Variants in METTL6 observed in about 807,000 individuals in gnomAD.
The protein encoded by METTL6 is methyltransferase 6, tRNA N3-cytidine.
METTL6 carries 22 observed loss-of-function variants against 26.4 expected under a neutral mutation model. The observed-to-expected ratio is 0.83, with a 90% CI of 0.59 to 1.19. The LOEUF (loss-of-function observed/expected upper bound fraction) is 1.19, where lower values mean the gene tolerates loss of function less well. Among genes scored for constraint, METTL6 ranks in the 50% most tolerant of loss-of-function variants. METTL6 has a pLI of 0.00. For synonymous variants in METTL6, 109 were observed against 116.2 expected, an observed-to-expected ratio of 0.94 and a Z score of 0.40; for missense variants, 304 against 324.8, an observed-to-expected ratio of 0.94 and a Z score of 0.49.
At chr3:15,389,062 C>T (rs531792327) in intron 6 of METTL6, among the ~76,000 whole-genome samples, 2 of 151,904 alleles carry the variant, frequency 1.3e-5, no homozygotes, top group Non-Finnish European at 2.9e-5. Context: ...CACGGTGTTG[C>T]CCAGGCTTGT....
intron 4 of METTL6, 87 bp downstream of exon 4, chr3:15,415,685 T>C (rs2124992879): frequency 1.9e-6 from 3 of 1,599,252 alleles, no homozygotes; most frequent in Non-Finnish European, 2.6e-6. Flanking sequence ...ACTATGTGAA[T>C]CTAGACAGTA....
chr3:15,390,618 T>C (rs144910044), intron 6 of METTL6, among the ~76,000 whole-genome samples: 29 of 152,292 alleles, frequency 1.9e-4, no homozygotes, highest in Admixed American at 3.3e-4. Context: ...AATGCTGGAA[T>C]TGGCCAGTTG....
downstream of METTL6, among the ~76,000 whole-genome samples, chr3:15,405,565 T>C (rs973149427): frequency 2.6e-5 from 4 of 152,144 alleles, no homozygotes; most frequent in African/African-American, 9.7e-5. Flanking sequence ...AAGAACACTA[T>C]GTAACTAATT....
chr3:15,403,530 A>T (rs6762167), intron 6 of METTL6, among the ~76,000 whole-genome samples: 80,163 of 151,978 alleles, frequency 0.53, 21,811 homozygotes, highest in African/African-American at 0.66. Flanking sequence ...GGCACTCACG[A>T]TTTCCACAGC....
At chr3:15,389,186 G>A (rs1488185628) in intron 6 of METTL6, among the ~76,000 whole-genome samples, 1 of 151,564 alleles carries the variant, frequency 6.6e-6, no homozygotes, top group Non-Finnish European at 1.5e-5. Context: ...TTTGTTGTAG[G>A]TTGTGCTACA....
At chr3:15,420,145 C>T (rs928801705) in intron 3 of METTL6, among the ~76,000 whole-genome samples, 6 of 152,244 alleles carry the variant, frequency 3.9e-5, no homozygotes, top group Middle Eastern at 3.4e-3. Context: ...CAGGTGTGAG[C>T]CACTGCACCA....
At position 15,393,978 on chromosome 3, in the gene METTL6, C is replaced by T. The variant is rs1699418169; in HGVS notation, c.*12-9791G>A. Among the ~76,000 whole-genome samples, 4 of 152,256 alleles carry T rather than the reference C, an allele frequency of 2.6e-5. No individual in the cohort carries two copies. In the East Asian group the frequency reaches 7.7e-4, roughly 29 times the overall value. ...ATTCTCTTCTTTTGTTGTGTCTCTGCCAGGCTTTGGTATCAGGATGATGCT... is the reference window on the plus strand; with the variant it reads ...ATTCTCTTCTTTTGTTGTGTCTCTGTCAGGCTTTGGTATCAGGATGATGCT... On this transcript the variant is annotated intron_variant, in intron 6 of 6. Coordinates refer to the METTL6 transcript ENST00000443029.
At chr3:15,388,632 C>A (rs1273120177) in intron 6 of METTL6, among the ~76,000 whole-genome samples, 1 of 152,156 alleles carries the variant, frequency 6.6e-6, no homozygotes, top group Non-Finnish European at 1.5e-5. Flanking sequence ...CATCTGAGCA[C>A]TGATCTTAGG....
rs373794585 is a variant in METTL6, at chr3:15,426,534, T to G, written c.-23A>C. ...CATCTCTGAAACTGACGGTAACACT[T>G]AACACAGCTGAAGATTCTCCATCAC... On this transcript the variant is annotated 5_prime_UTR_variant, in exon 2 of 6. The change abolishes the stop of an existing upstream ORF in the 5' untranslated region. Transcript: ENST00000383790. The G allele has an allele frequency of 3.1e-6, 5 of 1,593,682 alleles. No individual in the cohort carries two copies. Among genetic ancestry groups the G allele is most frequent in the Non-Finnish European group, 4.3e-6 (5 of 1,164,932 alleles).
chr3:15,415,028 C>T (rs571075514), intron 4 of METTL6: 9 of 1,063,770 alleles, frequency 8.5e-6, no homozygotes, highest in African/African-American at 1.7e-5. Flanking sequence ...AAACTGTATT[C>T]AACTGTCTCT....
At chr3:15,416,066 G>T in intron 3 of METTL6, 124 bp from the exon 4 acceptor site, 1 of 774,524 alleles carries the variant, frequency 1.3e-6, no homozygotes, top group Non-Finnish European at 2.0e-6. Context: ...ACTGTTACCA[G>T]ATAAAACTGA....
chr3:15,425,734 A>G (rs915548241), intron 2 of METTL6, among the ~76,000 whole-genome samples: 5 of 152,138 alleles, frequency 3.3e-5, no homozygotes, highest in Admixed American at 1.3e-4. Flanking sequence ...TTTAATATAT[A>G]ATGTTTACAA....
chr3:15,410,959 C>G lies in METTL6; in HGVS notation c.*297G>C, dbSNP rs896800817. 1 of 269,616 alleles carries G rather than the reference C, an allele frequency of 3.7e-6. No homozygotes were observed. Among genetic ancestry groups the G allele is most frequent in the Non-Finnish European group, 7.0e-6 (1 of 142,940 alleles). 16.7% of individuals were successfully genotyped at this position (269,616 alleles called of 1,614,324 possible). On this transcript the variant is annotated 3_prime_UTR_variant, in exon 6 of 6. Transcript: ENST00000383790. ...CCAGGCTGGAGTGCAATGGCATGATCTTGGCTCACTGCAGTCTCCGCCTCT... is the reference window on the plus strand; with the variant it reads ...CCAGGCTGGAGTGCAATGGCATGATGTTGGCTCACTGCAGTCTCCGCCTCT...
exon 7 of METTL6, chr3:15,384,162 C>T (rs764370081): frequency 1.2e-4 from 46 of 384,666 alleles, no homozygotes; most frequent in Middle Eastern, 8.1e-4. Context: ...ACAAAGAATC[C>T]CAGGTTCCAG....
At chr3:15,381,455 C>T (rs185409276) in exon 7 of METTL6, 3 of 152,280 alleles carry the variant, frequency 2.0e-5, no homozygotes, top group Admixed American at 2.0e-4. Flanking sequence ...TGGGTGGTGG[C>T]AAGGGTCCAA....
downstream of METTL6, among the ~76,000 whole-genome samples, chr3:15,406,617 TATATATATATATAG>T (rs1294550357): frequency 9.3e-3 from 435 of 46,840 alleles, no homozygotes; most frequent in Non-Finnish European, 0.012. Flanking sequence ...TATATATATA[TATATATATATATAG>T]AGAGAGAGAG....
At chr3:15,414,749 C>G (rs1356031073) in intron 4 of METTL6, 1 of 423,742 alleles carries the variant, frequency 2.4e-6, no homozygotes, top group Non-Finnish European at 4.7e-6. Flanking sequence ...ATAGTGAGAC[C>G]CCATCTCTAC....
At chr3:15,395,689 G>A (rs1342175784) in intron 6 of METTL6, among the ~76,000 whole-genome samples, 1 of 151,992 alleles carries the variant, frequency 6.6e-6, no homozygotes, top group Non-Finnish European at 1.5e-5. Context: ...TTTTAGGGCA[G>A]GCCTGGTGGT....
rs1575441665 is a variant in METTL6, at chr3:15,425,215, A to G, written c.226-126T>C. On this transcript the variant is annotated intron_variant, in intron 2 of 5. Coordinates refer to ENST00000383790, the MANE Select transcript of METTL6 (RefSeq NM_152396.4). ...GAGCAGACGATCAACAAGAGAACTA[A>G]TAAGCAAAAGCTAATACTGGTACTT... 7 of 998,000 alleles carry G rather than the reference A, an allele frequency of 7.0e-6. No individual in the cohort carries two copies. The East Asian group carries it at 1.8e-4, about 25-fold the overall frequency. 61.8% of individuals were successfully genotyped at this position (998,000 alleles called of 1,614,324 possible).
Sources: gnomAD v4.1 joint callset for allele counts (sites outside exome capture counted in the v4.1 genomes callset) on GRCh38, gnomAD v4.1.1 for gene constraint, MANE v1.5 for transcripts, NCBI Gene and HGNC (gene_info 2026-07-23, HGNC 2026-07-21) for gene names.